PDZRN4: variants seen among roughly 807,000 people sequenced by gnomAD.
The protein encoded by PDZRN4 is PDZ domain-containing RING finger protein 4.
PDZRN4 carries 70 observed loss-of-function variants against 99.0 expected under a neutral mutation model. The ratio of observed to expected loss-of-function variants is 0.71; its 90% CI spans 0.58 to 0.86. PDZRN4 has a LOEUF of 0.86. PDZRN4 is among the 40% of genes least tolerant of loss of function. PDZRN4 has a pLI of 0.00. For missense variants in PDZRN4, 1,474 were observed against 1,331.2 expected, an observed-to-expected ratio of 1.11 and a Z score of -1.67; for synonymous variants, 551 against 501.6, an observed-to-expected ratio of 1.10 and a Z score of -1.32.
chr12:41,197,823 G>C (rs960185325), intron 3 of PDZRN4, among the ~76,000 whole-genome samples: 2 of 152,106 alleles, frequency 1.3e-5, no homozygotes, highest in African/African-American at 4.8e-5. Context: ...TGGTATGTGG[G>C]AGGGAGTTGA....
chr12:41,450,079 A>G (rs1952762650), intron 3 of PDZRN4, among the ~76,000 whole-genome samples: 1 of 152,188 alleles, frequency 6.6e-6, no homozygotes, highest in Non-Finnish European at 1.5e-5. Context: ...AAAATCATAT[A>G]AAACAAAGAG....
intron 3 of PDZRN4, among the ~76,000 whole-genome samples, chr12:41,258,039 G>A (rs1248603893): frequency 1.3e-5 from 2 of 152,052 alleles, no homozygotes; most frequent in Non-Finnish European, 2.9e-5. Context: ...AGTGATCCGG[G>A]CATGGTCACA....
intron 3 of PDZRN4, among the ~76,000 whole-genome samples, chr12:41,220,795 G>A (rs1199410514): frequency 6.6e-6 from 1 of 152,166 alleles, no homozygotes; most frequent in Non-Finnish European, 1.5e-5. Flanking sequence ...CCATAATAAT[G>A]AGGTCTTAAC....
chr12:41,260,669 A>G (rs1206094734), intron 3 of PDZRN4, among the ~76,000 whole-genome samples: 1 of 152,186 alleles, frequency 6.6e-6, no homozygotes, highest in Admixed American at 6.5e-5. Flanking sequence ...CCATCAAAAT[A>G]CTTAACTGAT....
At chr12:41,443,744 T>C (rs978119696) in intron 3 of PDZRN4, among the ~76,000 whole-genome samples, 2 of 152,054 alleles carry the variant, frequency 1.3e-5, no homozygotes, top group African/African-American at 4.8e-5. Context: ...TGAGACTGGG[T>C]TGATGTCATG....
chr12:41,367,001 C>T (rs17129295), intron 3 of PDZRN4, among the ~76,000 whole-genome samples: 9,957 of 151,934 alleles, frequency 0.066, 814 homozygotes, highest in East Asian at 0.18. Flanking sequence ...GTGATTAGAC[C>T]TACGGGGAGC....
At chr12:41,483,413 A>C (rs1276086651) in intron 3 of PDZRN4, among the ~76,000 whole-genome samples, 1 of 152,128 alleles carries the variant, frequency 6.6e-6, no homozygotes, top group African/African-American at 2.4e-5. Flanking sequence ...AGGATCCTAA[A>C]TCTCTCTTTT....
At chr12:41,276,676 C>T (rs1951351864) in intron 3 of PDZRN4, among the ~76,000 whole-genome samples, 1 of 152,100 alleles carries the variant, frequency 6.6e-6, no homozygotes, top group East Asian at 1.9e-4. Context: ...AATGTTAGGG[C>T]CAGCAATCAC....
intron 5 of PDZRN4, among the ~76,000 whole-genome samples, chr12:41,533,367 G>T (rs940891024): frequency 6.6e-6 from 1 of 151,870 alleles, no homozygotes; most frequent in Non-Finnish European, 1.5e-5. Context: ...TAGAAACAGG[G>T]TTTCACCATG....
chr12:41,542,222 A>C (rs1301570353), intron 5 of PDZRN4, among the ~76,000 whole-genome samples: 1 of 152,222 alleles, frequency 6.6e-6, no homozygotes, highest in Non-Finnish European at 1.5e-5. Flanking sequence ...AAATGCTGAG[A>C]GTGGAGATGC....
chr12:41,246,669 C>T (rs1053083919), intron 3 of PDZRN4, among the ~76,000 whole-genome samples: 12 of 152,168 alleles, frequency 7.9e-5, no homozygotes, highest in African/African-American at 2.9e-4. Context: ...CCTACAGCAA[C>T]TGTTTCTGCT....
chr12:41,295,397 T>TA (rs1336063514), intron 3 of PDZRN4, among the ~76,000 whole-genome samples: 21 of 152,254 alleles, frequency 1.4e-4, no homozygotes, highest in African/African-American at 5.1e-4. Flanking sequence ...AACTCAAAGA[T>TA]AAAATTACTA....
At chr12:41,560,464 A>G (rs1042775275) in intron 7 of PDZRN4, among the ~76,000 whole-genome samples, 2 of 152,224 alleles carry the variant, frequency 1.3e-5, no homozygotes, top group East Asian at 3.8e-4. Flanking sequence ...TAGCCAAGGC[A>G]ATATCCATTT....
At chr12:41,451,956 G>A (rs1368023228) in intron 3 of PDZRN4, among the ~76,000 whole-genome samples, 5 of 152,154 alleles carry the variant, frequency 3.3e-5, no homozygotes, top group Non-Finnish European at 7.4e-5. Flanking sequence ...TTTCTGGCCA[G>A]TATTATCTGT....
intron 3 of PDZRN4, among the ~76,000 whole-genome samples, chr12:41,405,835 A>T (rs116021533): frequency 2.8e-3 from 434 of 152,286 alleles, no homozygotes; most frequent in Middle Eastern, 0.027. Flanking sequence ...TCCTTAGCAA[A>T]TTAATGCAGA....
chr12:41,423,984 G>A (rs1210178114), intron 3 of PDZRN4, among the ~76,000 whole-genome samples: 3 of 152,128 alleles, frequency 2.0e-5, no homozygotes. Flanking sequence ...GCCCATGACT[G>A]TTGTATTCCA....
At chr12:41,438,964 C>T (rs1461508328) in intron 3 of PDZRN4, among the ~76,000 whole-genome samples, 1 of 152,188 alleles carries the variant, frequency 6.6e-6, no homozygotes, top group African/African-American at 2.4e-5. Context: ...TGGCCCATGG[C>T]ACAGCAGTAG....
chr12:41,325,075 A>G (rs530768308), intron 3 of PDZRN4, among the ~76,000 whole-genome samples: 25 of 152,250 alleles, frequency 1.6e-4, no homozygotes, highest in Non-Finnish European at 3.4e-4. Context: ...CTGTGGACCA[A>G]CTATGGAGAT....
At chr12:41,292,258 T>C (rs1951461274) in intron 3 of PDZRN4, among the ~76,000 whole-genome samples, 1 of 152,158 alleles carries the variant, frequency 6.6e-6, no homozygotes, top group Non-Finnish European at 1.5e-5. Flanking sequence ...TTCATTCCCA[T>C]CACAAGGCTC....
Sources: allele counts gnomAD v4.1 joint callset (sites outside exome capture counted in the v4.1 genomes callset), GRCh38; gene constraint gnomAD v4.1.1; transcripts MANE v1.5; gene names NCBI Gene and HGNC (gene_info 2026-07-23, HGNC 2026-07-21).